ZFHX3: variants seen among roughly 807,000 people sequenced by gnomAD.
ZFHX3 encodes zinc finger homeobox protein 3.
ZFHX3 carries 42 observed loss-of-function variants against 279.1 expected under a neutral mutation model. The ratio of observed to expected loss-of-function variants is 0.15; its 90% CI spans 0.12 to 0.19. The LOEUF is 0.19. Ranked by LOEUF, ZFHX3 falls within the 10% of genes least tolerant of loss-of-function variation. ZFHX3 has a pLI of 1.00. For missense variants in ZFHX3, 4,981 were observed against 4,754.0 expected, an observed-to-expected ratio of 1.05 and a Z score of -1.40; for synonymous variants, 2,293 against 1,957.8, an observed-to-expected ratio of 1.17 and a Z score of -4.52.
intron 2 of ZFHX3, among the ~76,000 whole-genome samples, chr16:73,626,858 G>A (rs914221130): frequency 1.3e-5 from 2 of 152,046 alleles, no homozygotes; most frequent in African/African-American, 2.4e-5. Context: ...CATTTAACTT[G>A]TATAATCTCC....
intron 2 of ZFHX3, among the ~76,000 whole-genome samples, chr16:73,654,055 G>A (rs1171820504): frequency 6.6e-6 from 1 of 151,902 alleles, no homozygotes; most frequent in Admixed American, 6.5e-5. Context: ...GTGGTGGCGG[G>A]CGCCTGTAGT....
At chr16:73,290,962 G>A (rs2014753616) in intron 4 of ZFHX3, among the ~76,000 whole-genome samples, 1 of 152,198 alleles carries the variant, frequency 6.6e-6, no homozygotes, top group Admixed American at 6.5e-5. Context: ...AACATCATGA[G>A]AACCTTCTGA....
intron 2 of ZFHX3, among the ~76,000 whole-genome samples, chr16:73,563,042 TCAGTTAAC>T (rs2020394536): frequency 6.6e-6 from 1 of 152,094 alleles, no homozygotes; most frequent in South Asian, 2.1e-4. Flanking sequence ...CTGGAAAATT[TCAGTTAAC>T]CAGCAGTACC....
intron 3 of ZFHX3, among the ~76,000 whole-genome samples, chr16:73,383,581 A>G (rs1483842115): frequency 6.6e-6 from 1 of 151,948 alleles, no homozygotes; most frequent in Non-Finnish European, 1.5e-5. Context: ...CCCCGCATCC[A>G]GCAACAGAGC....
At chr16:72,889,500 A>G (rs1430625661) in intron 4 of ZFHX3, among the ~76,000 whole-genome samples, 3 of 151,852 alleles carry the variant, frequency 2.0e-5, no homozygotes, top group East Asian at 1.9e-4. Context: ...AAAAAAAAAA[A>G]AAAAAGAAGA....
At position 73,747,912 on chromosome 16, in the gene ZFHX3, T is replaced by C. The variant is rs534003297; in HGVS notation, c.-1607-67672A>G. On this transcript the variant is annotated intron_variant, in intron 1 of 17. Transcript: ENST00000641206. ...ACCCTTTATTTCTCAGAGAATAATC[T>C]GGAATCAAAGATCTATACCCTCGCA... Among the ~76,000 whole-genome samples the C allele has an allele frequency of 3.3e-5, 5 of 152,210 alleles. No homozygotes were observed. In the South Asian group the frequency reaches 1.0e-3, roughly 32 times the overall value.
rs113226605 is a variant in ZFHX3 at position 73,744,611 on chromosome 16, A to C, written c.-1607-64371T>G. Among the ~76,000 whole-genome samples the C allele has an allele frequency of 8.5e-5, 13 of 152,264 alleles. 1 individual carries two copies. Among genetic ancestry groups the C allele is most frequent in the African/African-American group, 3.1e-4 (13 of 41,558 alleles). ...TTCCTCATTCTACTTTATTATGCATATCTGGTTGGCATCTTTGCTGCCCCT... is the reference window on the plus strand; with the variant it reads ...TTCCTCATTCTACTTTATTATGCATCTCTGGTTGGCATCTTTGCTGCCCCT... On this transcript the variant is annotated intron_variant, in intron 1 of 17. Coordinates refer to the ZFHX3 transcript ENST00000641206.
chr16:72,940,852 T>C (rs758091542), intron 3 of ZFHX3, among the ~76,000 whole-genome samples: 12 of 152,248 alleles, frequency 7.9e-5, no homozygotes, highest in Non-Finnish European at 1.8e-4. Context: ...GTTTGCCTTT[T>C]ACAGAACCAG....
upstream of ZFHX3, among the ~76,000 whole-genome samples, chr16:73,064,268 T>C (rs1188623288): frequency 2.0e-5 from 3 of 151,858 alleles, no homozygotes; most frequent in Non-Finnish European, 4.4e-5. Flanking sequence ...CCAGGGAGGT[T>C]CCGCGACGCC....
rs991580758 is a variant in ZFHX3, at chr16:73,211,187, C to T, written c.-1104+45860G>A. Among the ~76,000 whole-genome samples, 4 of 152,226 alleles carry T rather than the reference C, an allele frequency of 2.6e-5. No individual in the cohort carries two copies. In the East Asian group the frequency reaches 7.7e-4, roughly 29 times the overall value. On this transcript the variant is annotated intron_variant, in intron 5 of 17. Transcript: ENST00000641206. ...TGATGAGGACCATATTGCCTTAAAG[C>T]CCCCCAACTTTCTTCACAATCATTT...
intron 3 of ZFHX3, among the ~76,000 whole-genome samples, chr16:73,453,529 C>G (rs1217543273): frequency 6.6e-6 from 1 of 152,204 alleles, no homozygotes; most frequent in Non-Finnish European, 1.5e-5. Context: ...CAGAGTGTAA[C>G]ACTAGCCACC....
chr16:73,118,330 T>A (rs975271044), intron 7 of ZFHX3, among the ~76,000 whole-genome samples: 1 of 152,182 alleles, frequency 6.6e-6, no homozygotes, highest in African/African-American at 2.4e-5. Context: ...TGCCTCAGCC[T>A]CCTGAATAGC....
intron 1 of ZFHX3, among the ~76,000 whole-genome samples, chr16:73,755,860 C>T (rs562410632): frequency 1.3e-5 from 2 of 152,344 alleles, no homozygotes; most frequent in South Asian, 4.1e-4. Context: ...AGCAGACAAG[C>T]TTCCTCATCA....
intron 1 of ZFHX3, among the ~76,000 whole-genome samples, chr16:73,029,190 G>A (rs1964612606): frequency 6.6e-6 from 1 of 152,138 alleles, no homozygotes; most frequent in Non-Finnish European, 1.5e-5. Flanking sequence ...TCCTTTCAAT[G>A]GCTCCCACCT....
chr16:72,935,469 G>A (rs948727988), intron 3 of ZFHX3, among the ~76,000 whole-genome samples: 1 of 152,110 alleles, frequency 6.6e-6, no homozygotes, highest in Non-Finnish European at 1.5e-5. Flanking sequence ...GGCCGGGTGC[G>A]GTAGCTCACA....
At chr16:73,516,340 T>A (rs1393950690) in intron 2 of ZFHX3, among the ~76,000 whole-genome samples, 1 of 152,182 alleles carries the variant, frequency 6.6e-6, no homozygotes, top group Non-Finnish European at 1.5e-5. Context: ...CGAGTGTGTG[T>A]GTGCATGCAT....
chr16:73,411,882 G>A (rs1339977950), intron 3 of ZFHX3, among the ~76,000 whole-genome samples: 1 of 152,146 alleles, frequency 6.6e-6, no homozygotes, highest in Non-Finnish European at 1.5e-5. Flanking sequence ...GTGACCTCCA[G>A]TCTACATGAT....
intron 5 of ZFHX3, among the ~76,000 whole-genome samples, chr16:73,183,871 T>C (rs1967853129): frequency 6.6e-6 from 1 of 151,932 alleles, no homozygotes; most frequent in African/African-American, 2.4e-5. Context: ...ATCTCGTTCT[T>C]ATGCTCTGCT....
chr16:73,163,571 C>A (rs1018618346), intron 5 of ZFHX3, among the ~76,000 whole-genome samples: 2 of 152,138 alleles, frequency 1.3e-5, no homozygotes, highest in African/African-American at 2.4e-5. Flanking sequence ...GCTCTCTCGA[C>A]CTTTATAGAA....
Sources: gnomAD v4.1 joint callset for allele counts (sites outside exome capture counted in the v4.1 genomes callset) on GRCh38, gnomAD v4.1.1 for gene constraint, MANE v1.5 for transcripts, NCBI Gene and HGNC (gene_info 2026-07-23, HGNC 2026-07-21) for gene names.